The following COPS9 variants were observed in gnomAD, a reference collection of about 807,000 sequenced individuals.
COPS9 encodes the protein COP9 signalosome subunit 9, also known as COP9 signalosome complex subunit 9.
Under a neutral mutation model 7.2 loss-of-function variants are expected in COPS9, and 8 were observed. That is an observed-to-expected ratio of 1.11 (90% CI 0.65 to 2.00). The LOEUF (loss-of-function observed/expected upper bound fraction) is 2.00. Among genes scored for constraint, COPS9 ranks in the 30% most tolerant of loss-of-function variants. The pLI, the probability that COPS9 is intolerant of heterozygous loss-of-function variation, is 0.00. For synonymous variants in COPS9, 39 were observed against 28.7 expected, an observed-to-expected ratio of 1.36 and a Z score of -1.14; for missense variants, 74 against 77.7, an observed-to-expected ratio of 0.95 and a Z score of 0.18.
chr2:240,133,990 C>G lies in COPS9; in HGVS notation c.79G>C (p.Gly27Arg). 1.9e-6 allele frequency: 3 copies of G among 1,614,132 alleles called. No homozygotes were observed. Among genetic ancestry groups the G allele is most frequent in the Non-Finnish European group, 2.5e-6 (3 of 1,180,026 alleles). Residue 27 changes from glycine (G) to arginine (R), a missense_variant, in exon 2 of 3, where the codon GGG becomes CGG. By Grantham distance (125) the Gly-to-Arg change is moderately radical (BLOSUM62 -2). Coordinates refer to ENST00000607357, the MANE Select transcript of COPS9 (RefSeq NM_001163424.2). ...VDLDEAGGST[G>R]LLMDLAANEK... ...TTGGCTGCCAAGTCCATCAAGAGCC[C>G]GGTGCTGCCTCCCGCCTGGGGAATG...
At chr2:240,128,955 A>G (rs1304946205), downstream of COPS9, among the ~76,000 whole-genome samples, 1 of 152,212 alleles carries the variant, frequency 6.6e-6, no homozygotes, top group Admixed American at 6.5e-5. Flanking sequence ...TGCTATTCAC[A>G]AAGCAGCTTA....
At position 240,134,283 on chromosome 2, in the gene COPS9, T is replaced by C; in HGVS notation, c.64-278A>G. ...TACCACTGACCTAAGCACCACTACT[T>C]CTCTGTGCCCCTCAAGGAGAGCTTT... On this transcript the variant is annotated intron_variant, in intron 1 of 2. Transcript: ENST00000607357. 8.1e-6 allele frequency: 3 copies of C among 370,806 alleles called. No individual in the cohort carries two copies. In the South Asian group the frequency reaches 1.4e-4, roughly 17 times the overall value. 23.0% of individuals were successfully genotyped at this position (370,806 alleles called of 1,614,324 possible).
chr2:240,135,707 G>A (rs957950417), intron 1 of COPS9, among the ~76,000 whole-genome samples: 3 of 152,190 alleles, frequency 2.0e-5, no homozygotes, highest in African/African-American at 4.8e-5. Context: ...CTCCTTTTCC[G>A]CTCCGACAGG....
At chr2:240,128,725 C>G (rs1449594592), downstream of COPS9, among the ~76,000 whole-genome samples, 3 of 152,144 alleles carry the variant, frequency 2.0e-5, no homozygotes, top group Non-Finnish European at 1.5e-5. Flanking sequence ...TGGCTGGGCC[C>G]GTCAGCTGCA....
chr2:240,132,060 C>A lies in COPS9; in HGVS notation c.137-972G>T, dbSNP rs1574947648. Among the ~76,000 whole-genome samples, 1 of 152,196 alleles carries A rather than the reference C, an allele frequency of 6.6e-6. No homozygotes were observed. Among genetic ancestry groups the A allele is most frequent in the East Asian group, 1.9e-4 (1 of 5,190 alleles). ...GTTCGCCGCTAGGAGCACTTTTGCG[C>A]AGTCCTGGGCCTGGCTGACTCCACA... is the stretch of plus-strand genomic sequence containing the variant. On this transcript the variant is annotated intron_variant, in intron 2 of 2. Coordinates refer to ENST00000607357, the MANE Select transcript of COPS9 (RefSeq NM_001163424.2). This position sits in a 1 kb window ranked among gnomAD's most constrained non-coding sequence, Gnocchi z 4.1.
Position 240,130,829 on chromosome 2 carries a change from G to T in COPS9, c.*222C>A. On this transcript the variant is annotated 3_prime_UTR_variant, in exon 3 of 3. Transcript: ENST00000607357. Reference sequence around the variant, plus strand: ...GCAAGAAAGAGATCACTCCACATGTGACATTGCTTTCTTTTAATTGGAGTG... The same window carrying T: ...GCAAGAAAGAGATCACTCCACATGTTACATTGCTTTCTTTTAATTGGAGTG... 1 of 1,402,338 alleles carries T rather than the reference G, an allele frequency of 7.1e-7. No individual in the cohort carries two copies. The highest frequency in any genetic ancestry group is 9.2e-7 in the Non-Finnish European group (1 of 1,083,574). The allele number at this position is 1,402,338 out of a possible 1,614,324, so 86.9% of individuals were successfully genotyped here. A position where few individuals can be genotyped will look rare whatever the true frequency, so the allele number is the denominator to read the frequency against.
chr2:240,127,486 T>C (rs1227563138), downstream of COPS9, among the ~76,000 whole-genome samples: 1 of 152,134 alleles, frequency 6.6e-6, no homozygotes, highest in African/African-American at 2.4e-5. Flanking sequence ...CACCCTCCAA[T>C]TGCAAGGTGC....
At chr2:240,136,182 C>G in intron 1 of COPS9, 40 bp downstream of exon 1, 2 of 1,484,664 alleles carry the variant, frequency 1.3e-6, no homozygotes, top group Non-Finnish European at 1.8e-6. Flanking sequence ...CCCCCTTCCC[C>G]GCTCCCCACG....
At chr2:240,129,580 G>A (rs2071900215), downstream of COPS9, among the ~76,000 whole-genome samples, 1 of 152,178 alleles carries the variant, frequency 6.6e-6, no homozygotes, top group African/African-American at 2.4e-5. Flanking sequence ...CAGGCCCTGT[G>A]GGACTGCGAT....
At chr2:240,136,057 C>A in intron 1 of COPS9, 165 bp downstream of exon 1, 1 of 1,150,348 alleles carries the variant, frequency 8.7e-7, no homozygotes. Context: ...ACCAGGTGCT[C>A]GGAGAAACCG....
chr2:240,131,228 C>G (rs1229682666), intron 2 of COPS9, 140 bp from the exon 3 acceptor site: 1 of 1,039,810 alleles, frequency 9.6e-7, no homozygotes, highest in Admixed American at 2.3e-5. Context: ...TTTCCCGTAA[C>G]AGACTTTCAG....
In COPS9 at chr2:240,136,255, G is replaced by C. The variant is rs776008653; in HGVS notation, c.30C>G (p.Pro10=). 1.9e-5 allele frequency: 30 copies of C among 1,569,956 alleles called. No homozygotes were observed. In the Admixed American group the frequency reaches 5.5e-4, roughly 29 times the overall value. Residue 10 remains proline (P), a synonymous_variant, in exon 1 of 3, where the codon CCC becomes CCG. Coordinates refer to ENST00000607357, the MANE Select transcript of COPS9 (RefSeq NM_001163424.2). ...GGTCCACGTAGGGCCCGGCGCCCTC[G>C]GGGAACATCTCGTCCACCGCCGGCT... is the stretch of plus-strand genomic sequence containing the variant. MKPAVDEMF[P]EGAGPYVDLD... is the part of the protein sequence containing the mutation.
At chr2:240,128,253 G>C (rs1187283646), downstream of COPS9, among the ~76,000 whole-genome samples, 1 of 152,198 alleles carries the variant, frequency 6.6e-6, no homozygotes, top group Non-Finnish European at 1.5e-5. Context: ...GGTGGAGAAA[G>C]AAACTGTTGT....
intron 1 of COPS9, chr2:240,134,311 G>A (rs759237784): frequency 1.0e-5 from 3 of 288,208 alleles, no homozygotes; most frequent in South Asian, 7.6e-5. Flanking sequence ...AGAGCTTTCC[G>A]ATCCCTCGCC....
downstream of COPS9, chr2:240,130,034 C>A: frequency 1.2e-6 from 2 of 1,608,550 alleles, no homozygotes; most frequent in Non-Finnish European, 1.7e-6. Context: ...AGCTGCTGAG[C>A]CCCAACAAAG....
chr2:240,127,242 C>G (rs1255143393), downstream of COPS9, among the ~76,000 whole-genome samples: 3 of 151,710 alleles, frequency 2.0e-5, no homozygotes, highest in Non-Finnish European at 4.4e-5. Flanking sequence ...CACCCCCACC[C>G]CTACCAGGAA....
rs771251981 is a variant in COPS9 at position 240,131,060 on chromosome 2, GTCA to G, written c.162_164del (p.Asp55del). 1.2e-6 allele frequency: 2 copies of G among 1,613,082 alleles called. No homozygotes were observed. The highest frequency in any genetic ancestry group is 1.7e-6 in the Non-Finnish European group (2 of 1,179,714). On this transcript the variant is annotated inframe_deletion, in exon 3 of 3. Transcript: ENST00000607357. ...GCAGCCAGAGGGCATCTCACTGGAT[GTCA>G]TCATCATCAAAAAGATCTTCAAAAT... is the stretch of plus-strand genomic sequence containing the variant.
At chr2:240,126,868 C>T (rs753739153), downstream of COPS9, 2 of 1,613,868 alleles carry the variant, frequency 1.2e-6, no homozygotes, top group Admixed American at 3.3e-5. Context: ...AGCGCCTCCG[C>T]CCCCTGCCCA....
downstream of COPS9, chr2:240,130,745 C>A (rs1574946794): frequency 2.6e-6 from 3 of 1,162,904 alleles, no homozygotes; most frequent in South Asian, 9.2e-5. Flanking sequence ...GATGCACGCA[C>A]ATGCATGCAC....
Sources: gnomAD v4.1 joint callset for allele counts (sites outside exome capture counted in the v4.1 genomes callset) on GRCh38, gnomAD v4.1.1 for gene constraint, Gnocchi (gnomAD v3.1) non-coding constraint, MANE v1.5 for transcripts, NCBI Gene and HGNC (gene_info 2026-07-23, HGNC 2026-07-21) for gene names.